Variants in AGBL4 observed in about 807,000 individuals in gnomAD.
AGBL4 encodes the protein cytosolic carboxypeptidase 6.
In AGBL4, 58 loss-of-function variants were observed where a neutral mutation model predicts 66.4. The observed-to-expected ratio is 0.87, with a 90% CI of 0.71 to 1.09. The LOEUF is 1.09. Ranked by LOEUF, AGBL4 falls within the 50% of genes least tolerant of loss-of-function variation. The pLI is 0.00. For missense variants in AGBL4, 579 were observed against 631.0 expected (o/e 0.92, Z 0.88); for synonymous variants, 234 against 222.9 (o/e 1.05, Z -0.44).
intron 3 of AGBL4, among the ~76,000 whole-genome samples, chr1:49,489,778 T>C (rs547120180): frequency 1.3e-5 from 2 of 152,054 alleles, no homozygotes; most frequent in South Asian, 4.1e-4. Context: ...GCAGCATTTA[T>C]TGAAGAGATT....
At chr1:49,055,487 T>A (rs1019956261) in intron 4 of AGBL4, among the ~76,000 whole-genome samples, 1 of 152,092 alleles carries the variant, frequency 6.6e-6, no homozygotes, top group Non-Finnish European at 1.5e-5. Flanking sequence ...TAGTATGTTC[T>A]ATAAAGAATA....
At chr1:49,682,578 T>C (rs1646716043) in intron 3 of AGBL4, among the ~76,000 whole-genome samples, 1 of 152,208 alleles carries the variant, frequency 6.6e-6, no homozygotes, top group Non-Finnish European at 1.5e-5. Context: ...ATAGCTTACA[T>C]GTTAGTAATC....
chr1:48,572,502 G>A (rs1162278611), intron 11 of AGBL4, among the ~76,000 whole-genome samples: 1 of 151,870 alleles, frequency 6.6e-6, no homozygotes, highest in Non-Finnish European at 1.5e-5. Flanking sequence ...GTAAGAGAGG[G>A]TGTAATAAAG....
chr1:48,766,275 C>T (rs1172645867), intron 6 of AGBL4, among the ~76,000 whole-genome samples: 1 of 152,120 alleles, frequency 6.6e-6, no homozygotes, highest in Non-Finnish European at 1.5e-5. Flanking sequence ...CCTAAAGTCA[C>T]CCAGCTGGGA....
chr1:48,749,854 C>G (rs1157721411), intron 6 of AGBL4, among the ~76,000 whole-genome samples: 1 of 152,208 alleles, frequency 6.6e-6, no homozygotes, highest in African/African-American at 2.4e-5. Flanking sequence ...GTCAAGGAAG[C>G]ATTGAAGGCC....
intron 2 of AGBL4, among the ~76,000 whole-genome samples, chr1:49,786,983 C>T (rs928581970): frequency 6.6e-6 from 1 of 152,124 alleles, no homozygotes; most frequent in Admixed American, 6.5e-5. Flanking sequence ...TATGCCTTCA[C>T]CTAAAGCCTT....
intron 5 of AGBL4, among the ~76,000 whole-genome samples, chr1:49,028,202 T>A (rs1663888313): frequency 6.6e-6 from 1 of 152,002 alleles, no homozygotes; most frequent in African/African-American, 2.4e-5. Context: ...AAGGTTAGAA[T>A]AAAGAATTAG....
chr1:48,757,899 G>A (rs1644028067), intron 6 of AGBL4, among the ~76,000 whole-genome samples: 1 of 152,164 alleles, frequency 6.6e-6, no homozygotes, highest in African/African-American at 2.4e-5. Flanking sequence ...GGGCTATGGA[G>A]GCAAAGAACT....
intron 5 of AGBL4, among the ~76,000 whole-genome samples, chr1:48,978,302 G>A (rs1659498852): frequency 6.6e-6 from 1 of 152,154 alleles, no homozygotes; most frequent in African/African-American, 2.4e-5. Context: ...TTTCCCAGAT[G>A]TCTTTGTTAC....
intron 10 of AGBL4, among the ~76,000 whole-genome samples, chr1:48,589,932 T>G (rs1569909194): frequency 6.6e-6 from 1 of 152,162 alleles, no homozygotes; most frequent in East Asian, 1.9e-4. Context: ...AGCTTCCTTT[T>G]CTTGTTAATG....
intron 1 of AGBL4, among the ~76,000 whole-genome samples, chr1:49,991,201 T>C (rs1343910759): frequency 2.0e-5 from 3 of 152,218 alleles, no homozygotes; most frequent in African/African-American, 7.2e-5. Context: ...CAGAACATTA[T>C]GTTGCATATT....
At chr1:49,670,591 C>T (rs1489106615) in intron 3 of AGBL4, among the ~76,000 whole-genome samples, 1 of 152,120 alleles carries the variant, frequency 6.6e-6, no homozygotes, top group Non-Finnish European at 1.5e-5. Context: ...AGAGAAACTA[C>T]AGCAAAAAGT....
chr1:49,464,482 G>C (rs1256030209), intron 3 of AGBL4, among the ~76,000 whole-genome samples: 2 of 151,784 alleles, frequency 1.3e-5, no homozygotes, highest in Admixed American at 1.3e-4. Context: ...TTCTAGTTCT[G>C]AGTACACCTT....
At chr1:49,224,433 C>A (rs1415440557) in intron 4 of AGBL4, among the ~76,000 whole-genome samples, 1 of 151,754 alleles carries the variant, frequency 6.6e-6, no homozygotes, top group African/African-American at 2.4e-5. Context: ...CTGGCTAACA[C>A]GGTGAAACCC....
intron 6 of AGBL4, among the ~76,000 whole-genome samples, chr1:48,756,692 T>C (rs1643948672): frequency 6.6e-6 from 1 of 152,214 alleles, no homozygotes; most frequent in Non-Finnish European, 1.5e-5. Context: ...TGCGGATTTG[T>C]CTTGGAAGTT....
At chr1:49,039,025 G>A (rs895259662) in intron 5 of AGBL4, among the ~76,000 whole-genome samples, 6 of 152,086 alleles carry the variant, frequency 3.9e-5, no homozygotes, top group Admixed American at 2.6e-4. Flanking sequence ...TAAAAAATGA[G>A]CTATCATGTC....
intron 3 of AGBL4, among the ~76,000 whole-genome samples, chr1:49,350,423 T>C (rs1220561985): frequency 6.6e-6 from 1 of 152,012 alleles, no homozygotes; most frequent in African/African-American, 2.4e-5. Flanking sequence ...CGGGATGGTC[T>C]CGATCTCCTG....
intron 8 of AGBL4, among the ~76,000 whole-genome samples, chr1:48,639,836 T>C (rs964313665): frequency 6.6e-6 from 1 of 152,202 alleles, no homozygotes; most frequent in Non-Finnish European, 1.5e-5. Context: ...GCTGCTAGTA[T>C]GTTCTGCTTG....
intron 4 of AGBL4, among the ~76,000 whole-genome samples, chr1:49,071,907 G>GT (rs1644612138): frequency 6.6e-6 from 1 of 152,054 alleles, no homozygotes; most frequent in Non-Finnish European, 1.5e-5. Flanking sequence ...CTAAGAATTT[G>GT]CTTTGTGAAT....
Sources: allele counts gnomAD v4.1 joint callset (sites outside exome capture counted in the v4.1 genomes callset), GRCh38; gene constraint gnomAD v4.1.1; transcripts MANE v1.5; gene names NCBI Gene and HGNC (gene_info 2026-07-23, HGNC 2026-07-21).